Variants in SATB1 observed in about 807,000 individuals in gnomAD.
SATB1 encodes the protein SATB homeobox 1, also known as DNA-binding protein SATB1.
Under a neutral mutation model 86.9 loss-of-function variants are expected in SATB1, and 11 were observed. The ratio of observed to expected loss-of-function variants is 0.13; its 90% confidence interval spans 0.08 to 0.21. The LOEUF is 0.21. Ranked by LOEUF, SATB1 falls within the 10% of genes least tolerant of loss-of-function variation. The pLI is 1.00. For synonymous variants in SATB1, 357 were observed against 357.2 expected (o/e 1.00, Z 0.01); for missense variants, 551 against 937.6 (o/e 0.59, Z 5.39).
chr3:18,351,940 T>A, intron 10 of SATB1, 52 bp downstream of exon 10: 1 of 1,566,624 alleles, frequency 6.4e-7, no homozygotes, highest in Non-Finnish European at 8.8e-7. Flanking sequence ...CCCTGCTAAG[T>A]TTAAAGCTTT....
At chr3:18,442,943 TACTGCTAAATC>T (rs372591849), upstream of SATB1, among the ~76,000 whole-genome samples, 27 of 152,350 alleles carry the variant, frequency 1.8e-4, no homozygotes, top group African/African-American at 6.5e-4. Flanking sequence ...AATAGAGGAC[TACTGCTAAATC>T]ATAGCAGTAG....
intron 8 of SATB1, among the ~76,000 whole-genome samples, chr3:18,383,464 C>G (rs972043177): frequency 6.6e-6 from 1 of 152,184 alleles, no homozygotes; most frequent in African/African-American, 2.4e-5. Context: ...CACTGAGGGC[C>G]TCTGCTTTTA....
At chr3:18,408,191 T>G (rs186341095) in intron 5 of SATB1, among the ~76,000 whole-genome samples, 200 of 152,040 alleles carry the variant, frequency 1.3e-3, no homozygotes, top group African/African-American at 4.4e-3. Flanking sequence ...AGATGATGAC[T>G]AAAGAGAACA....
intron 2 of SATB1, among the ~76,000 whole-genome samples, chr3:18,419,606 G>A (rs1298897554): frequency 6.6e-6 from 1 of 152,108 alleles, no homozygotes; most frequent in African/African-American, 2.4e-5. Context: ...TTTTTATACA[G>A]CCCCAGTGCT....
chr3:18,437,244 T>A (rs1028534717), intron 1 of SATB1, among the ~76,000 whole-genome samples: 1 of 151,886 alleles, frequency 6.6e-6, no homozygotes, highest in African/African-American at 2.4e-5. Context: ...AACATGGGTA[T>A]CTCAAAATAC....
At position 18,371,400 on chromosome 3, in the gene SATB1, T is replaced by G. The variant is rs146819931; in HGVS notation, c.1575+6770A>C. The stretch of plus-strand genomic sequence containing the variant: ...CTCTAAAATATAGATATATATATTT[T>G]TAAATGGGTGGTCTATGATTTGTGT... On this transcript the variant is annotated intron_variant, in intron 9 of 10. Transcript: ENST00000338745. Among the ~76,000 whole-genome samples, 139 of 152,302 alleles carry G rather than the reference T, an allele frequency of 9.1e-4. 1 individual carries two copies. Among genetic ancestry groups the G allele is most frequent in the African/African-American group, 3.0e-3 (123 of 41,582 alleles).
chr3:18,394,365 T>C lies in SATB1; in HGVS notation c.1206+97A>G, dbSNP rs1005472775. On this transcript the variant is annotated intron_variant, in intron 7 of 10. Coordinates refer to ENST00000338745, the MANE Select transcript of SATB1 (RefSeq NM_002971.6). This position sits in a 1 kb window ranked among gnomAD's most constrained non-coding sequence, Gnocchi z 5.9. ...ATCACATGAAGAGAGAGAGAAAATG[T>C]TAGTACAGAAGTAAAAGAATAAACT... 4 of 1,004,332 alleles carry C rather than the reference T, an allele frequency of 4.0e-6. No homozygotes were observed. Among genetic ancestry groups the C allele is most frequent in the African/African-American group, 3.2e-5 (2 of 61,840 alleles). 62.2% of individuals were successfully genotyped at this position (1,004,332 alleles called of 1,614,324 possible). A position where few individuals can be genotyped will look rare whatever the true frequency, so the allele number is the denominator to read the frequency against.
intron 4 of SATB1, 98 bp from the exon 5 acceptor site, chr3:18,415,332 C>T (rs891213606): frequency 8.0e-6 from 11 of 1,369,928 alleles, no homozygotes; most frequent in Non-Finnish European, 1.1e-5. Context: ...GCGCATCAAA[C>T]AGATGCATCT....
upstream of SATB1, among the ~76,000 whole-genome samples, chr3:18,427,429 C>A (rs147843121): frequency 5.0e-4 from 76 of 152,208 alleles, 1 homozygote; most frequent in East Asian, 0.014. Context: ...GGCAATGTCA[C>A]CTCAAGCTGA....
upstream of SATB1, among the ~76,000 whole-genome samples, chr3:18,428,438 A>T (rs896679525): frequency 1.3e-5 from 2 of 152,208 alleles, no homozygotes; most frequent in African/African-American, 4.8e-5. Flanking sequence ...TGGGGATTAA[A>T]TTTCAACATG....
At position 18,371,231 on chromosome 3, in the gene SATB1, A is replaced by G. The variant is rs529897471; in HGVS notation, c.1575+6939T>C. 9.8e-5 allele frequency among the ~76,000 whole-genome samples: 15 copies of G among 152,338 alleles called. No individual in the cohort carries two copies. The South Asian group carries it at 3.1e-3, about 32-fold the overall frequency. On this transcript the variant is annotated intron_variant, in intron 9 of 10. Coordinates refer to ENST00000338745, the MANE Select transcript of SATB1 (RefSeq NM_002971.6). ...AAAATCAAAGGAGAATAGATTTTCTATTAATATACAACAGAAGTAGATTAA... is the reference window on the plus strand; with the variant it reads ...AAAATCAAAGGAGAATAGATTTTCTGTTAATATACAACAGAAGTAGATTAA...
intron 9 of SATB1, among the ~76,000 whole-genome samples, chr3:18,363,391 A>C (rs1294650926): frequency 6.6e-6 from 1 of 152,174 alleles, no homozygotes; most frequent in Non-Finnish European, 1.5e-5. Flanking sequence ...AGGCAAGCAT[A>C]AATATTTCTA....
Position 18,423,858 on chromosome 3 carries a change from T to C in SATB1, c.-256A>G, listed in dbSNP as rs1575174631. ...CGGGGGAAGGGCAGAAATAAACGTC[T>C]AGAAGAGTAGCCATGAGAAAGGGGT... On this transcript the variant is annotated 5_prime_UTR_variant, in exon 1 of 11. Coordinates refer to ENST00000338745, the MANE Select transcript of SATB1 (RefSeq NM_002971.6). 6.6e-6 allele frequency: 1 copy of C among 151,530 alleles called. No homozygotes were observed. The highest frequency in any genetic ancestry group is 1.5e-5 in the Non-Finnish European group (1 of 67,918). 9.4% of individuals were successfully genotyped at this position (151,530 alleles called of 1,614,324 possible).
chr3:18,380,360 T>TTC (rs1695983812), intron 8 of SATB1, among the ~76,000 whole-genome samples: 1 of 152,206 alleles, frequency 6.6e-6, no homozygotes, highest in South Asian at 2.1e-4. Context: ...AAATGATGTT[T>TTC]AAGAATTTAT....
At chr3:18,387,355 C>CA (rs1004563387) in intron 7 of SATB1, among the ~76,000 whole-genome samples, 2 of 152,186 alleles carry the variant, frequency 1.3e-5, no homozygotes, top group African/African-American at 4.8e-5. Context: ...GAAAGTCCAT[C>CA]ACAGCATGCC....
upstream of SATB1, among the ~76,000 whole-genome samples, chr3:18,443,402 A>C (rs1014080434): frequency 4.6e-5 from 7 of 152,208 alleles, no homozygotes. The surrounding 1 kb of genome is among the most constrained non-coding windows in gnomAD (Gnocchi z 4.4). Flanking sequence ...AAGTCTTAGA[A>C]CATTTGCTTG....
upstream of SATB1, among the ~76,000 whole-genome samples, chr3:18,429,968 C>T (rs1402587353): frequency 1.3e-5 from 2 of 152,138 alleles, no homozygotes; most frequent in African/African-American, 4.8e-5. This position sits in a 1 kb window ranked among gnomAD's most constrained non-coding sequence, Gnocchi z 4.1. Context: ...CAACCAATTT[C>T]CACTACAAAT....
rs780523668 is a variant in SATB1 at position 18,351,438 on chromosome 3, C to T, written c.1779+554G>A. On this transcript the variant is annotated intron_variant, in intron 10 of 10. Transcript: ENST00000338745. ...AGGAAAGACAAACAGAGATGACTCA[C>T]CCCTAACCTACATTCTGTAAAGTGT... 4 of 1,477,718 alleles carry T rather than the reference C, an allele frequency of 2.7e-6. 1 individual carries two copies. The South Asian group carries it at 4.8e-5, about 18-fold the overall frequency. 91.5% of individuals were successfully genotyped at this position (1,477,718 alleles called of 1,614,324 possible).
At chr3:18,437,824 A>C (rs1699115782) in intron 1 of SATB1, among the ~76,000 whole-genome samples, 1 of 152,182 alleles carries the variant, frequency 6.6e-6, no homozygotes, top group Non-Finnish European at 1.5e-5. Context: ...GGATTATTTT[A>C]CAAATTCTAT....
Sources: allele counts gnomAD v4.1 joint callset (sites outside exome capture counted in the v4.1 genomes callset), GRCh38; gene constraint gnomAD v4.1.1; non-coding constraint Gnocchi (gnomAD v3.1); transcripts MANE v1.5; gene names NCBI Gene and HGNC (gene_info 2026-07-23, HGNC 2026-07-21).